Variants in TBC1D9 observed in about 807,000 individuals in gnomAD.
TBC1D9 encodes the protein TBC1 domain family member 9A.
A neutral mutation model predicts 132.0 loss-of-function variants in TBC1D9; 63 were observed. The observed-to-expected ratio is 0.48, with a 90% CI of 0.39 to 0.59. TBC1D9 has a LOEUF of 0.59. Ranked by LOEUF, TBC1D9 falls within the 20% of genes least tolerant of loss-of-function variation. The probability of loss-of-function intolerance (pLI) is 0.00; values close to 1 mark genes in which losing one functional copy is unlikely to be tolerated. For synonymous variants in TBC1D9, 610 were observed against 609.9 expected (o/e 1.00, Z 0.00); for missense variants, 1,261 against 1,592.7 (o/e 0.79, Z 3.54).
intron 13 of TBC1D9, chr4:140,642,148 C>T: frequency 3.9e-6 from 3 of 765,642 alleles, no homozygotes; most frequent in African/African-American, 1.7e-5. Context: ...CTGTCCTTTG[C>T]CACCATGCCA....
chr4:140,624,029 T>A, intron 20 of TBC1D9, 87 bp downstream of exon 20: 1 of 1,064,580 alleles, frequency 9.4e-7, no homozygotes, highest in Non-Finnish European at 1.4e-6. Context: ...TTGATGGGTA[T>A]TGAGTCTACA....
At chr4:140,655,567 T>C (rs1169415362) in intron 13 of TBC1D9, among the ~76,000 whole-genome samples, 1 of 152,204 alleles carries the variant, frequency 6.6e-6, no homozygotes, top group East Asian at 1.9e-4. Context: ...TATAAAAGTT[T>C]AGAGAATCAA....
intron 11 of TBC1D9, among the ~76,000 whole-genome samples, chr4:140,658,926 C>T (rs549936432): frequency 8.1e-4 from 123 of 152,024 alleles, no homozygotes; most frequent in African/African-American, 2.7e-3. Context: ...TCATGATCAA[C>T]GTAAGGACAT....
Position 140,653,961 on chromosome 4 carries a change from A to G in TBC1D9, c.2337+3136T>C, listed in dbSNP as rs529806085. Reference sequence around the variant, plus strand: ...CAATTTCTTTGCTTTCGCTTTAAAAATGGGCAAAATGCTGACTTCAGCATG... The same window carrying G: ...CAATTTCTTTGCTTTCGCTTTAAAAGTGGGCAAAATGCTGACTTCAGCATG... On this transcript the variant is annotated intron_variant, in intron 13 of 20. Coordinates refer to ENST00000442267, the MANE Select transcript of TBC1D9 (RefSeq NM_015130.3). Among the ~76,000 whole-genome samples, 22 of 152,362 alleles carry G rather than the reference A, an allele frequency of 1.4e-4. No individual in the cohort carries two copies. In the South Asian group the frequency reaches 4.6e-3, roughly 32 times the overall value.
intron 1 of TBC1D9, among the ~76,000 whole-genome samples, chr4:140,744,928 T>C (rs1738815372): frequency 6.7e-6 from 1 of 149,390 alleles, no homozygotes; most frequent in Non-Finnish European, 1.5e-5. Context: ...CACAACCCCT[T>C]ACCTTTACCC....
chr4:140,632,836 A>T (rs772814443), intron 16 of TBC1D9, among the ~76,000 whole-genome samples: 16 of 152,354 alleles, frequency 1.1e-4, no homozygotes, highest in Middle Eastern at 6.8e-3. Flanking sequence ...GCATGCAGTA[A>T]ATGCTGTATA....
At chr4:140,680,037 TTTA>T (rs1438887940) in intron 3 of TBC1D9, among the ~76,000 whole-genome samples, 194 bp from the exon 4 acceptor site, 3 of 152,174 alleles carry the variant, frequency 2.0e-5, no homozygotes, top group African/African-American at 7.2e-5. Flanking sequence ...TAATATAGAT[TTTA>T]TTATATTTTT....
intron 1 of TBC1D9, among the ~76,000 whole-genome samples, chr4:140,729,436 T>C (rs75918725): frequency 1.3e-5 from 2 of 152,114 alleles, no homozygotes; most frequent in Non-Finnish European, 2.9e-5. Context: ...AAGGGCCCCA[T>C]GGAGGCACCA....
At chr4:140,642,210 C>G (rs1178780453) in intron 13 of TBC1D9, 1 of 740,054 alleles carries the variant, frequency 1.4e-6, no homozygotes, top group African/African-American at 1.7e-5. Context: ...CTTGGGCGGG[C>G]CACTCTCCTT....
chr4:140,660,676 G>C (rs13140194), intron 10 of TBC1D9, among the ~76,000 whole-genome samples: 95,481 of 152,018 alleles, frequency 0.63, 30,240 homozygotes, highest in South Asian at 0.7. Context: ...ATGGGGGACA[G>C]AGTGGTGATA....
rs759669329 is a variant in TBC1D9 at position 140,686,410 on chromosome 4, G to A, written c.294C>T (p.Leu98=). ...TEHWEWLEQN[L]LQTLSIFENE... ...TTTCAAAGATGGAGAGTGTCTGCAA[G>A]AGATTTTGCTCAAGCCATTCCCAGT... Residue 98 remains leucine (L), a synonymous_variant, in exon 3 of 21, where the codon CTC becomes CTT. Transcript: ENST00000442267. 1.2e-6 allele frequency: 2 copies of A among 1,612,844 alleles called. No homozygotes were observed. Among genetic ancestry groups the A allele is most frequent in the Non-Finnish European group, 1.7e-6 (2 of 1,179,272 alleles).
chr4:140,744,961 C>T (rs1738815883), intron 1 of TBC1D9, among the ~76,000 whole-genome samples: 1 of 150,794 alleles, frequency 6.6e-6, no homozygotes. Flanking sequence ...CTATTCACAA[C>T]TCCTATCTTA....
chr4:140,660,575 T>G (rs191641640), intron 10 of TBC1D9, among the ~76,000 whole-genome samples: 1 of 152,314 alleles, frequency 6.6e-6, no homozygotes, highest in African/African-American at 2.4e-5. Flanking sequence ...TAGTACATGA[T>G]GATGGTCCCT....
chr4:140,748,370 T>G (rs1244737548), intron 1 of TBC1D9, among the ~76,000 whole-genome samples: 1 of 152,096 alleles, frequency 6.6e-6, no homozygotes, highest in Non-Finnish European at 1.5e-5. Flanking sequence ...TACAATGAGA[T>G]GTCTAACATA....
Position 140,756,011 on chromosome 4 carries a change from T to A in TBC1D9, c.35A>T (p.Asn12Ile), listed in dbSNP as rs759253011. 1 of 1,609,166 alleles carries A rather than the reference T, an allele frequency of 6.2e-7. No homozygotes were observed. Among genetic ancestry groups the A allele is most frequent in the Admixed American group, 1.7e-5 (1 of 59,798 alleles). The part of the protein sequence containing the change: ...WVNPEEVLLA[N>I]ALWITERANP... ...GGCCCTCTCGGTGATCCACAGCGCG[T>A]TGGCCAGCAACACCTCCTCCGGGTT... Residue 12 changes from asparagine (N) to isoleucine (I), a missense_variant, in exon 1 of 21, where the codon AAC becomes ATC. This residue lies in a region of TBC1D9 where 550 missense variants were observed against 699.0 expected (regional missense o/e 0.79). Transcript: ENST00000442267. This position sits in a 1 kb window ranked among gnomAD's most constrained non-coding sequence, Gnocchi z 5.6.
At chr4:140,692,724 T>C (rs1737895017) in intron 2 of TBC1D9, among the ~76,000 whole-genome samples, 1 of 152,158 alleles carries the variant, frequency 6.6e-6, no homozygotes, top group Admixed American at 6.6e-5. Flanking sequence ...ACTTAACTAC[T>C]GAAATGTCAA....
At chr4:140,737,718 T>C (rs367746494) in intron 1 of TBC1D9, among the ~76,000 whole-genome samples, 1 of 152,230 alleles carries the variant, frequency 6.6e-6, no homozygotes, top group Admixed American at 6.5e-5. Flanking sequence ...ATATAAGATG[T>C]CTTACAATTT....
chr4:140,711,371 C>T (rs1216152511), intron 1 of TBC1D9, among the ~76,000 whole-genome samples: 1 of 152,068 alleles, frequency 6.6e-6, no homozygotes, highest in African/African-American at 2.4e-5. Context: ...AAGAGTTCAT[C>T]GCTATGAAGC....
intron 1 of TBC1D9, among the ~76,000 whole-genome samples, chr4:140,729,210 G>C (rs1738548160): frequency 6.6e-6 from 1 of 152,006 alleles, no homozygotes; most frequent in Admixed American, 6.6e-5. Flanking sequence ...CACCTCATTG[G>C]ATCTCAGAAT....
Sources: gnomAD v4.1 joint callset for allele counts (sites outside exome capture counted in the v4.1 genomes callset) on GRCh38, gnomAD v4.1.1 for gene constraint, gnomAD v4.1.1 regional missense constraint, Gnocchi (gnomAD v3.1) non-coding constraint, MANE v1.5 for transcripts, NCBI Gene and HGNC (gene_info 2026-07-23, HGNC 2026-07-21) for gene names.